Variants in PHACTR3 observed in about 807,000 individuals in gnomAD.
The protein encoded by PHACTR3 is phosphatase and actin regulator 3.
PHACTR3 carries 16 observed loss-of-function variants against 66.8 expected under a neutral mutation model. The observed-to-expected ratio is 0.24, with a 90% CI of 0.16 to 0.36. The LOEUF is 0.36. PHACTR3 is among the 10% of genes least tolerant of loss of function. PHACTR3 has a pLI of 1.00. For missense variants in PHACTR3, 647 were observed against 719.9 expected (o/e 0.90, Z 1.16); for synonymous variants, 323 against 292.1 (o/e 1.11, Z -1.08).
intron 4 of PHACTR3, among the ~76,000 whole-genome samples, chr20:59,757,155 C>G (rs943382674): frequency 6.6e-6 from 1 of 152,228 alleles, no homozygotes; most frequent in African/African-American, 2.4e-5. Flanking sequence ...CACAGCCCAG[C>G]CCTTGTGTGT....
chr20:59,753,872 G>A (rs117866150), intron 3 of PHACTR3, among the ~76,000 whole-genome samples: 3,419 of 152,210 alleles, frequency 0.022, 59 homozygotes, highest in Non-Finnish European at 0.035. Context: ...GGTAGGAATC[G>A]GGACTGACCA....
At chr20:59,749,181 T>C (rs1311545365) in intron 3 of PHACTR3, among the ~76,000 whole-genome samples, 1 of 152,058 alleles carries the variant, frequency 6.6e-6, no homozygotes, top group East Asian at 1.9e-4. Flanking sequence ...TTCACTGGGA[T>C]GGGACAAAAA....
chr20:59,720,653 A>G (rs1244124532), intron 1 of PHACTR3, among the ~76,000 whole-genome samples: 2 of 152,204 alleles, frequency 1.3e-5, no homozygotes, highest in South Asian at 2.1e-4. Flanking sequence ...ATCCAAGTAC[A>G]TCAGCTCTTC....
intron 1 of PHACTR3, among the ~76,000 whole-genome samples, chr20:59,729,403 G>C (rs1417109918): frequency 2.0e-5 from 3 of 152,178 alleles, no homozygotes; most frequent in Non-Finnish European, 2.9e-5. Flanking sequence ...GAGTGAGCCA[G>C]TGCAGTGTGC....
At chr20:59,691,212 G>A (rs1306390513) in intron 1 of PHACTR3, among the ~76,000 whole-genome samples, 5 of 152,292 alleles carry the variant, frequency 3.3e-5, no homozygotes, top group South Asian at 2.1e-4. Context: ...GTGTCCTGGC[G>A]GAGACCTTGG....
intron 1 of PHACTR3, among the ~76,000 whole-genome samples, chr20:59,694,424 C>T (rs2037222333): frequency 6.6e-6 from 1 of 151,548 alleles, no homozygotes; most frequent in Admixed American, 6.6e-5. Flanking sequence ...TAGTAGGTCA[C>T]TGTAAGTATA....
intron 1 of PHACTR3, among the ~76,000 whole-genome samples, chr20:59,625,025 C>T (rs141959167): frequency 1.3e-3 from 194 of 152,276 alleles, no homozygotes; most frequent in African/African-American, 4.3e-3. Flanking sequence ...CTTGCTGTGA[C>T]GCCTTTTCTG....
chr20:59,750,597 C>T lies in PHACTR3; in HGVS notation c.358+2762C>T, dbSNP rs1159998522. ...GAGGGGCTTGGGTCAAGACGCCTCC[C>T]GTCTTCCCTGCCCACACACCGGCTG... On this transcript the variant is annotated intron_variant, in intron 3 of 12. Transcript: ENST00000371015. 5.3e-5 allele frequency among the ~76,000 whole-genome samples: 8 copies of T among 152,244 alleles called. No individual in the cohort carries two copies. In the South Asian group the frequency reaches 1.0e-3, roughly 20 times the overall value.
intron 1 of PHACTR3, among the ~76,000 whole-genome samples, chr20:59,714,370 G>A (rs980179711): frequency 6.6e-6 from 1 of 152,162 alleles, no homozygotes; most frequent in African/African-American, 2.4e-5. Flanking sequence ...TTTATGTATG[G>A]TATGAGGGAG....
chr20:59,596,957 C>G (rs559860162), intron 1 of PHACTR3, among the ~76,000 whole-genome samples: 1 of 152,382 alleles, frequency 6.6e-6, no homozygotes, highest in East Asian at 1.9e-4. Flanking sequence ...TACCCCCTCA[C>G]CATGCAGACT....
chr20:59,752,544 C>T (rs140013511), intron 3 of PHACTR3, among the ~76,000 whole-genome samples: 38 of 32,380 alleles, frequency 1.2e-3, no homozygotes, highest in African/African-American at 2.7e-3. Context: ...GAGCTCTGAC[C>T]GCAGCCCAGA....
intron 5 of PHACTR3, among the ~76,000 whole-genome samples, chr20:59,769,721 G>A (rs538538744): frequency 6.6e-6 from 1 of 152,356 alleles, no homozygotes; most frequent in South Asian, 2.1e-4. Context: ...CAGGCACTCA[G>A]CAAGTGCAGA....
At chr20:59,644,808 C>T (rs1306959749) in intron 1 of PHACTR3, among the ~76,000 whole-genome samples, 1 of 152,190 alleles carries the variant, frequency 6.6e-6, no homozygotes, top group East Asian at 1.9e-4. Context: ...ATCCCTACCT[C>T]ATCGCTACTC....
intron 1 of PHACTR3, among the ~76,000 whole-genome samples, chr20:59,666,741 C>T (rs2036004625): frequency 6.6e-6 from 1 of 152,180 alleles, no homozygotes; most frequent in South Asian, 2.1e-4. Context: ...CTGATTTCCA[C>T]ATGCAGACTG....
At chr20:59,813,064 C>T (rs966795329) in intron 8 of PHACTR3, among the ~76,000 whole-genome samples, 7 of 152,208 alleles carry the variant, frequency 4.6e-5, no homozygotes, top group Admixed American at 1.3e-4. Flanking sequence ...AGGCCAGTTT[C>T]CGGTGAATGT....
At chr20:59,838,226 C>G (rs2058998311) in intron 9 of PHACTR3, among the ~76,000 whole-genome samples, 1 of 152,128 alleles carries the variant, frequency 6.6e-6, no homozygotes, top group Non-Finnish European at 1.5e-5. Context: ...TTTGGTTTTA[C>G]TTTTGTTCTG....
At position 59,761,928 on chromosome 20, in the gene PHACTR3, T is replaced by A. The variant is rs931485952; in HGVS notation, c.542-5258T>A. On this transcript the variant is annotated intron_variant, in intron 4 of 12. Transcript: ENST00000371015. The stretch of plus-strand genomic sequence containing the variant: ...CGGTCCCCCAAATGCAGGGAACCAG[T>A]GTCTTCTTCCACTTTTTAAAAAATT... 6.6e-5 allele frequency among the ~76,000 whole-genome samples: 10 copies of A among 152,352 alleles called. No homozygotes were observed. The East Asian group carries it at 1.9e-3, about 29-fold the overall frequency.
intron 1 of PHACTR3, among the ~76,000 whole-genome samples, chr20:59,677,292 T>C (rs2036482611): frequency 6.6e-6 from 1 of 152,154 alleles, no homozygotes; most frequent in Non-Finnish European, 1.5e-5. Context: ...GAACATATGC[T>C]CCACTATCAG....
At chr20:59,675,383 A>G (rs1342492349) in intron 1 of PHACTR3, among the ~76,000 whole-genome samples, 1 of 152,070 alleles carries the variant, frequency 6.6e-6, no homozygotes, top group African/African-American at 2.4e-5. Flanking sequence ...TTGGACCTGG[A>G]TCTGAGTCCA....
Sources: allele counts gnomAD v4.1 joint callset (sites outside exome capture counted in the v4.1 genomes callset), GRCh38; gene constraint gnomAD v4.1.1; transcripts MANE v1.5; gene names NCBI Gene and HGNC (gene_info 2026-07-23, HGNC 2026-07-21).